Variants in DAB1 observed in about 807,000 individuals in gnomAD.
DAB1 encodes DAB adaptor protein 1.
In DAB1, 15 loss-of-function variants were observed where a neutral mutation model predicts 64.6. The observed-to-expected ratio is 0.23, with a 90% confidence interval of 0.16 to 0.36. The LOEUF (loss-of-function observed/expected upper bound fraction) is 0.36, where lower values mean the gene tolerates loss of function less well. Ranked by LOEUF, DAB1 falls within the 10% of genes least tolerant of loss-of-function variation. DAB1 has a pLI of 1.00. For synonymous variants in DAB1, 235 were observed against 251.9 expected, an observed-to-expected ratio of 0.93 and a Z score of 0.64; for missense variants, 596 against 706.7, an observed-to-expected ratio of 0.84 and a Z score of 1.78.
intron 5 of DAB1, among the ~76,000 whole-genome samples, chr1:57,950,847 T>C (rs1019582051): frequency 4.6e-5 from 7 of 152,218 alleles, no homozygotes; most frequent in African/African-American, 1.7e-4. Flanking sequence ...TATTTGTTTC[T>C]CCTGTTTTGT....
chr1:57,168,012 C>T (rs1344603974), intron 2 of DAB1, among the ~76,000 whole-genome samples: 1 of 152,110 alleles, frequency 6.6e-6, no homozygotes, highest in African/African-American at 2.4e-5. Flanking sequence ...CTTAAAATCC[C>T]CCTAGCAGAG....
At chr1:57,087,438 T>C (rs1330093182) in intron 4 of DAB1, among the ~76,000 whole-genome samples, 1 of 152,222 alleles carries the variant, frequency 6.6e-6, no homozygotes, top group Non-Finnish European at 1.5e-5. Context: ...AAGTACACTG[T>C]AAGGCACAGA....
At chr1:57,197,080 A>G (rs930905279) in intron 2 of DAB1, among the ~76,000 whole-genome samples, 1 of 152,216 alleles carries the variant, frequency 6.6e-6, no homozygotes, top group East Asian at 1.9e-4. Context: ...TAACGCCTGT[A>G]ATCCCAACAC....
At chr1:58,075,728 T>C (rs1057407646) in intron 5 of DAB1, among the ~76,000 whole-genome samples, 3 of 152,140 alleles carry the variant, frequency 2.0e-5, no homozygotes, top group Non-Finnish European at 4.4e-5. Context: ...AGAACCAAGG[T>C]CTAGAGAGCT....
rs192328547 is a variant in DAB1 at position 57,637,909 on chromosome 1, C to T, written n.625+11683G>A. On this transcript the variant is annotated intron_variant and non_coding_transcript_variant, in intron 7 of 20. Coordinates refer to the DAB1 transcript ENST00000485760. ...AATGACTAAATGAATTATAGTGGAT[C>T]GACTTAATAATGGAGCATTTACTCA... Among the ~76,000 whole-genome samples the T allele has an allele frequency of 4.6e-5, 7 of 152,150 alleles. No homozygotes were observed. In the East Asian group the frequency reaches 9.7e-4, roughly 21 times the overall value.
At chr1:58,045,017 T>C (rs1021091656) in intron 5 of DAB1, among the ~76,000 whole-genome samples, 4 of 152,238 alleles carry the variant, frequency 2.6e-5, no homozygotes, top group Non-Finnish European at 5.9e-5. Context: ...TTTTTTCTAC[T>C]ATACAGAATG....
intron 2 of DAB1, among the ~76,000 whole-genome samples, chr1:57,261,212 C>T (rs79272713): frequency 0.014 from 2,084 of 152,204 alleles, 21 homozygotes; most frequent in Non-Finnish European, 0.019. Flanking sequence ...AACACGGTCA[C>T]GGTGTTTCTT....
intron 6 of DAB1, among the ~76,000 whole-genome samples, chr1:57,719,534 T>C (rs1352056108): frequency 1.3e-5 from 2 of 152,228 alleles, no homozygotes; most frequent in Admixed American, 6.5e-5. Flanking sequence ...GGGAGGTGAT[T>C]AGATCACGGG....
intron 5 of DAB1, among the ~76,000 whole-genome samples, chr1:58,087,192 TTAG>T: frequency 6.6e-6 from 1 of 152,310 alleles, no homozygotes; most frequent in East Asian, 1.9e-4. Flanking sequence ...TGTAAGGTAC[TTAG>T]TAGAGAGCAG....
At chr1:57,502,457 AC>A (rs1644301801) in intron 7 of DAB1, among the ~76,000 whole-genome samples, 3 of 152,008 alleles carry the variant, frequency 2.0e-5, no homozygotes, top group Admixed American at 2.0e-4. Context: ...TTCCAGTTTA[AC>A]TTTCTTTCAC....
intron 4 of DAB1, among the ~76,000 whole-genome samples, chr1:58,168,591 A>G (rs1020890476): frequency 6.6e-6 from 1 of 152,112 alleles, no homozygotes; most frequent in Admixed American, 6.5e-5. Flanking sequence ...CCAAGCAGAA[A>G]GACATAATTT....
chr1:57,069,518 G>T, intron 7 of DAB1, 93 bp from the exon 8 acceptor site: 1 of 1,052,880 alleles, frequency 9.5e-7, no homozygotes, highest in Non-Finnish European at 1.5e-6. Flanking sequence ...ATCACAGCGA[G>T]CATTAACGAA....
intron 3 of DAB1, among the ~76,000 whole-genome samples, chr1:58,407,441 C>T (rs1557751372): frequency 6.6e-6 from 1 of 152,132 alleles, no homozygotes; most frequent in Non-Finnish European, 1.5e-5. Context: ...GATAATGAAA[C>T]TTCAATACCA....
At position 58,013,571 on chromosome 1, in the gene DAB1, T is replaced by A. The variant is rs540075887; in HGVS notation, n.388-129409A>T. On this transcript the variant is annotated intron_variant and non_coding_transcript_variant, in intron 5 of 20. Coordinates refer to the DAB1 transcript ENST00000485760. Reference sequence around the variant, plus strand: ...ACGAGTGGTCATCCCTAGCAAAGAGTCTGTTGGACAGTAAATGTCAGGCAC... The same window carrying A: ...ACGAGTGGTCATCCCTAGCAAAGAGACTGTTGGACAGTAAATGTCAGGCAC... Among the ~76,000 whole-genome samples, 15 of 152,222 alleles carry A rather than the reference T, an allele frequency of 9.9e-5. No individual in the cohort carries two copies. The East Asian group carries it at 2.9e-3, about 29-fold the overall frequency.
intron 1 of DAB1, among the ~76,000 whole-genome samples, chr1:57,345,011 G>T (rs1274635176): frequency 6.6e-6 from 1 of 152,208 alleles, no homozygotes; most frequent in African/African-American, 2.4e-5. Context: ...CCAGGGCAGA[G>T]ACCCAGACAG....
intron 7 of DAB1, among the ~76,000 whole-genome samples, chr1:57,462,763 G>A (rs1459993522): frequency 6.6e-6 from 1 of 152,104 alleles, no homozygotes; most frequent in African/African-American, 2.4e-5. Flanking sequence ...ATATTTGGTG[G>A]TTTATTATTG....
intron 3 of DAB1, among the ~76,000 whole-genome samples, chr1:58,345,724 C>T (rs1191614697): frequency 2.0e-5 from 3 of 152,110 alleles, no homozygotes; most frequent in African/African-American, 7.2e-5. Flanking sequence ...GAGCTTCCCT[C>T]GTGCCTAAGA....
At chr1:58,180,157 A>G (rs1656698035) in intron 4 of DAB1, among the ~76,000 whole-genome samples, 1 of 151,928 alleles carries the variant, frequency 6.6e-6, no homozygotes, top group Admixed American at 6.6e-5. Context: ...ACAGATAACA[A>G]AAAACAACTG....
At chr1:58,364,812 A>G (rs1644200613) in intron 3 of DAB1, among the ~76,000 whole-genome samples, 1 of 152,188 alleles carries the variant, frequency 6.6e-6, no homozygotes, top group South Asian at 2.1e-4. Context: ...AGTGTTTACA[A>G]TTTCTTTTTT....
Sources: gnomAD v4.1 joint callset for allele counts (sites outside exome capture counted in the v4.1 genomes callset) on GRCh38, gnomAD v4.1.1 for gene constraint, MANE v1.5 for transcripts, NCBI Gene and HGNC (gene_info 2026-07-23, HGNC 2026-07-21) for gene names.